The following PHACTR1 variants were observed in gnomAD, a reference collection of about 807,000 sequenced individuals.
The protein encoded by PHACTR1 is RPEL repeat containing 1.
A neutral mutation model predicts 69.2 loss-of-function variants in PHACTR1; 16 were observed. The observed-to-expected ratio is 0.23, with a 90% CI of 0.16 to 0.35. The LOEUF (loss-of-function observed/expected upper bound fraction) is 0.35. Ranked by LOEUF, PHACTR1 falls within the 10% of genes least tolerant of loss-of-function variation. The pLI is 1.00. For missense variants in PHACTR1, 510 were observed against 734.7 expected (o/e 0.69, Z 3.54); for synonymous variants, 312 against 284.5 (o/e 1.10, Z -0.97).
chr6:12,913,746 A>G (rs1786661328), intron 4 of PHACTR1, among the ~76,000 whole-genome samples: 1 of 152,166 alleles, frequency 6.6e-6, no homozygotes, highest in Non-Finnish European at 1.5e-5. Context: ...ACCTTTGGGC[A>G]TGTTTCATGA....
At chr6:12,731,268 C>T (rs1227937612) in intron 3 of PHACTR1, among the ~76,000 whole-genome samples, 1 of 152,170 alleles carries the variant, frequency 6.6e-6, no homozygotes, top group Non-Finnish European at 1.5e-5. Context: ...CCCGCCTTGG[C>T]TTCCCAAAGT....
chr6:12,983,398 G>A (rs144491439), intron 4 of PHACTR1, among the ~76,000 whole-genome samples: 3 of 152,222 alleles, frequency 2.0e-5, no homozygotes, highest in African/African-American at 7.2e-5. Flanking sequence ...AGTAGAGGGC[G>A]GGAAGAGCAC....
chr6:13,187,380 T>C (rs1762955870), intron 7 of PHACTR1, among the ~76,000 whole-genome samples: 1 of 151,984 alleles, frequency 6.6e-6, no homozygotes, highest in Admixed American at 6.5e-5. Flanking sequence ...TTATAGAAAA[T>C]GAGGGAAGAG....
At chr6:13,281,035 G>A in intron 12 of PHACTR1, 1 of 1,289,598 alleles carries the variant, frequency 7.8e-7, no homozygotes, top group Non-Finnish European at 1.0e-6. Context: ...TTCCCTCTGA[G>A]CACTTGTGCT....
Position 13,287,262 on chromosome 6 carries a change from T to G in PHACTR1, c.*184T>G. 1.5e-6 allele frequency: 1 copy of G among 664,328 alleles called. No homozygotes were observed. The highest frequency in any genetic ancestry group is 2.5e-6 in the Non-Finnish European group (1 of 401,838). The allele number at this position is 664,328 out of a possible 1,614,324, so 41.2% of individuals were successfully genotyped here. A position where few individuals can be genotyped will look rare whatever the true frequency, so the allele number is the denominator to read the frequency against. ...TGTGTGAAAACGCAAAAGTGATGGC[T>G]CGGCGGTCCGAGCTGCTGGTCCCAC... On this transcript the variant is annotated 3_prime_UTR_variant, in exon 15 of 15. Coordinates refer to ENST00000332995, the MANE Select transcript of PHACTR1 (RefSeq NM_030948.6).
chr6:12,723,493 T>C (rs984175802), intron 3 of PHACTR1, among the ~76,000 whole-genome samples: 8 of 118,124 alleles, frequency 6.8e-5, no homozygotes, highest in Admixed American at 2.7e-4. Flanking sequence ...CTTTTCTTTT[T>C]TTTTTTTTTT....
At chr6:12,870,268 C>T (rs1398840193) in intron 4 of PHACTR1, among the ~76,000 whole-genome samples, 2 of 152,198 alleles carry the variant, frequency 1.3e-5, no homozygotes, top group Non-Finnish European at 2.9e-5. Flanking sequence ...CATTCAAAGA[C>T]ATTCTTTGAC....
intron 4 of PHACTR1, among the ~76,000 whole-genome samples, chr6:13,001,145 ATGT>A (rs1337490500): frequency 1.3e-5 from 2 of 152,244 alleles, no homozygotes; most frequent in Admixed American, 6.5e-5. Flanking sequence ...CATGCAAGTA[ATGT>A]TGTGATAAAT....
intron 4 of PHACTR1, among the ~76,000 whole-genome samples, chr6:12,937,042 C>G (rs75205637): frequency 1.3e-5 from 2 of 152,114 alleles, no homozygotes; most frequent in Non-Finnish European, 2.9e-5. Context: ...TTTCAGGCCC[C>G]GGTCTTATTT....
intron 3 of PHACTR1, among the ~76,000 whole-genome samples, chr6:12,725,389 A>C (rs1762648218): frequency 6.6e-6 from 1 of 152,224 alleles, no homozygotes; most frequent in African/African-American, 2.4e-5. Flanking sequence ...CTGTGCTTAC[A>C]GGGAGACCCA....
intron 4 of PHACTR1, among the ~76,000 whole-genome samples, chr6:12,763,682 A>G (rs1157566400): frequency 2.0e-5 from 3 of 152,214 alleles, no homozygotes; most frequent in Admixed American, 6.5e-5. Context: ...TGCCAGATTC[A>G]TTTATTATAG....
At chr6:13,103,275 A>G (rs1815485085) in intron 5 of PHACTR1, among the ~76,000 whole-genome samples, 1 of 152,138 alleles carries the variant, frequency 6.6e-6, no homozygotes, top group Non-Finnish European at 1.5e-5. Context: ...AGATGAGATG[A>G]CCACTCTTAA....
At chr6:13,095,316 A>G (rs1445494709) in intron 5 of PHACTR1, among the ~76,000 whole-genome samples, 4 of 152,234 alleles carry the variant, frequency 2.6e-5, no homozygotes, top group Admixed American at 2.6e-4. Context: ...AAATAAGCAA[A>G]TAGAGAACAG....
intron 5 of PHACTR1, among the ~76,000 whole-genome samples, chr6:13,131,999 TA>T (rs1736974660): frequency 6.6e-6 from 1 of 152,142 alleles, no homozygotes; most frequent in African/African-American, 2.4e-5. Context: ...CCACTGTAAG[TA>T]AAACAGTGCA....
At chr6:13,068,211 G>A (rs190415794) in intron 5 of PHACTR1, among the ~76,000 whole-genome samples, 3 of 152,232 alleles carry the variant, frequency 2.0e-5, no homozygotes, top group African/African-American at 2.4e-5. Flanking sequence ...CACCTACTCC[G>A]GAGGCTGAGG....
At chr6:13,077,099 AAAAT>A (rs934393078) in intron 5 of PHACTR1, among the ~76,000 whole-genome samples, 7 of 151,728 alleles carry the variant, frequency 4.6e-5, no homozygotes, top group African/African-American at 1.7e-4. Flanking sequence ...AATAAAAAAA[AAAAT>A]AAAGTACAAA....
At chr6:13,013,700 G>A (rs1268057999) in intron 4 of PHACTR1, among the ~76,000 whole-genome samples, 9 of 151,784 alleles carry the variant, frequency 5.9e-5, no homozygotes, top group Non-Finnish European at 1.0e-4. Flanking sequence ...GATCCGGATT[G>A]GCTGGGGCAG....
chr6:13,094,978 A>G (rs1206053972), intron 5 of PHACTR1, among the ~76,000 whole-genome samples: 1 of 152,158 alleles, frequency 6.6e-6, no homozygotes, highest in African/African-American at 2.4e-5. Flanking sequence ...CTGATGTGGA[A>G]GGATTAGATA....
chr6:12,996,449 G>T (rs1797422011), intron 4 of PHACTR1, among the ~76,000 whole-genome samples: 1 of 152,062 alleles, frequency 6.6e-6, no homozygotes, highest in Non-Finnish European at 1.5e-5. Context: ...AAGTAAATTG[G>T]AACACTTAAA....
Sources: gnomAD v4.1 joint callset for allele counts (sites outside exome capture counted in the v4.1 genomes callset) on GRCh38, gnomAD v4.1.1 for gene constraint, MANE v1.5 for transcripts, NCBI Gene and HGNC (gene_info 2026-07-23, HGNC 2026-07-21) for gene names.